Variants in TCF12 observed in about 807,000 individuals in gnomAD.
TCF12 encodes the protein DNA-binding protein HTF4.
TCF12 carries 45 observed loss-of-function variants against 86.0 expected under a neutral mutation model. The observed-to-expected ratio is 0.52, with a 90% CI of 0.41 to 0.67. The LOEUF is 0.67. Among genes scored for constraint, TCF12 ranks in the 30% least tolerant of loss-of-function variants. TCF12 has a pLI of 0.00. For synonymous variants in TCF12, 330 were observed against 299.6 expected (o/e 1.10, Z -1.05); for missense variants, 881 against 859.9 (o/e 1.02, Z -0.31).
intron 16 of TCF12, among the ~76,000 whole-genome samples, chr15:57,258,840 T>TA: frequency 6.6e-6 from 1 of 152,322 alleles, no homozygotes; most frequent in East Asian, 1.9e-4. Flanking sequence ...CAGGAGACTT[T>TA]AAGTAAAGAC....
At chr15:57,088,746 C>G (rs2048806810) in intron 4 of TCF12, among the ~76,000 whole-genome samples, 1 of 152,036 alleles carries the variant, frequency 6.6e-6, no homozygotes, top group Non-Finnish European at 1.5e-5. Flanking sequence ...AGTTCTACCC[C>G]CAAGACCTTA....
intron 16 of TCF12, among the ~76,000 whole-genome samples, chr15:57,256,705 T>A (rs1458271394): frequency 6.6e-6 from 1 of 152,194 alleles, no homozygotes; most frequent in Non-Finnish European, 1.5e-5. Flanking sequence ...CAGAAATACT[T>A]GTTGATCAGC....
At chr15:56,966,108 C>A (rs1333526260) in intron 3 of TCF12, among the ~76,000 whole-genome samples, 1 of 152,090 alleles carries the variant, frequency 6.6e-6, no homozygotes, top group African/African-American at 2.4e-5. Flanking sequence ...ATATGCTAAT[C>A]TTTTTACACT....
intron 12 of TCF12, among the ~76,000 whole-genome samples, chr15:57,239,004 G>C (rs1205184370): frequency 6.6e-6 from 1 of 152,182 alleles, no homozygotes; most frequent in Non-Finnish European, 1.5e-5. Context: ...AGGAGGACAA[G>C]CTGTGTTTAG....
At position 57,122,115 on chromosome 15, in the gene TCF12, C is replaced by A. The variant is rs1439919616; in HGVS notation, c.325+30224C>A. ...TCCTTGTACAAAAAAAAAAAAAAAACCACCCCCAAACCTGCCCATGCTTCA... is the reference window on the plus strand; with the variant it reads ...TCCTTGTACAAAAAAAAAAAAAAAAACACCCCCAAACCTGCCCATGCTTCA... On this transcript the variant is annotated intron_variant, in intron 5 of 20. Coordinates refer to ENST00000333725, the MANE Select transcript of TCF12 (RefSeq NM_207037.2). Among the ~76,000 whole-genome samples, 16 of 141,150 alleles carry A rather than the reference C, an allele frequency of 1.1e-4. 1 individual carries two copies. Among genetic ancestry groups the A allele is most frequent in the East Asian group, 5.9e-4 (3 of 5,056 alleles). The allele number at this position is 141,150 out of a possible 152,430, so 92.6% of individuals were successfully genotyped here.
At chr15:56,946,383 C>T (rs2060997995) in intron 3 of TCF12, among the ~76,000 whole-genome samples, 1 of 152,136 alleles carries the variant, frequency 6.6e-6, no homozygotes, top group African/African-American at 2.4e-5. Flanking sequence ...TTTATTCCAT[C>T]CAATAAACTT....
chr15:56,958,085 T>A (rs2061574712), intron 3 of TCF12, among the ~76,000 whole-genome samples: 1 of 152,190 alleles, frequency 6.6e-6, no homozygotes, highest in African/African-American at 2.4e-5. Context: ...AGTCTCTAGC[T>A]TCAGGTAGTT....
chr15:56,950,624 A>G (rs1449799492), intron 3 of TCF12, among the ~76,000 whole-genome samples: 1 of 151,218 alleles, frequency 6.6e-6, no homozygotes, highest in Non-Finnish European at 1.5e-5. Flanking sequence ...ATGTACCAAT[A>G]GTTTATTCTT....
chr15:57,116,722 A>G (rs1462989708), intron 5 of TCF12, among the ~76,000 whole-genome samples: 1 of 152,186 alleles, frequency 6.6e-6, no homozygotes, highest in African/African-American at 2.4e-5. Flanking sequence ...TGAGAGCTAT[A>G]AGATCTTACC....
intron 4 of TCF12, among the ~76,000 whole-genome samples, chr15:57,076,397 C>T (rs1212555744): frequency 6.6e-6 from 1 of 152,030 alleles, no homozygotes; most frequent in Admixed American, 6.6e-5. Flanking sequence ...GTGGCTCACA[C>T]CTGTAATCCC....
chr15:57,118,845 C>A (rs191839850), intron 5 of TCF12, among the ~76,000 whole-genome samples: 1 of 152,126 alleles, frequency 6.6e-6, no homozygotes, highest in Non-Finnish European at 1.5e-5. Flanking sequence ...CTTGAATTTC[C>A]ATATCTGTGT....
chr15:57,234,180 G>T lies in TCF12; in HGVS notation c.1035+73G>T, dbSNP rs1597501076. 6.0e-6 allele frequency: 7 copies of T among 1,158,448 alleles called. No individual in the cohort carries two copies. In the African/African-American group the frequency reaches 9.1e-5, roughly 15 times the overall value. 71.8% of individuals were successfully genotyped at this position (1,158,448 alleles called of 1,614,324 possible). A position where few individuals can be genotyped will look rare whatever the true frequency, so the allele number is the denominator to read the frequency against. On this transcript the variant is annotated intron_variant, in intron 12 of 20. Transcript: ENST00000333725. ...AATACAGTGATTAGATTTTGTAGGT[G>T]ATAAGTATCTAAAGAGTATAGATGT...
intron 3 of TCF12, among the ~76,000 whole-genome samples, chr15:57,035,687 A>G (rs1435289764): frequency 6.6e-6 from 1 of 152,058 alleles, no homozygotes; most frequent in Non-Finnish European, 1.5e-5. Flanking sequence ...CTTTGTTTAT[A>G]TTTTTGGGGA....
chr15:57,200,907 C>T (rs1369928073), intron 8 of TCF12, among the ~76,000 whole-genome samples: 1 of 152,084 alleles, frequency 6.6e-6, no homozygotes, highest in Non-Finnish European at 1.5e-5. Flanking sequence ...TAAATCTGCC[C>T]AGCTCAGTTA....
At position 57,002,858 on chromosome 15, in the gene TCF12, G is replaced by A. The variant is rs529054786; in HGVS notation, c.149-60892G>A. On this transcript the variant is annotated intron_variant, in intron 3 of 20. Coordinates refer to ENST00000333725, the MANE Select transcript of TCF12 (RefSeq NM_207037.2). The stretch of plus-strand genomic sequence containing the variant: ...ATTCAGATGAATCCTTTACATACTC[G>A]CACCTGCAAAACCAACAGATGATAT... 3.9e-5 allele frequency among the ~76,000 whole-genome samples: 6 copies of A among 152,204 alleles called. No individual in the cohort carries two copies. The South Asian group carries it at 1.0e-3, about 26-fold the overall frequency.
At chr15:57,160,030 T>A (rs1315099932) in intron 5 of TCF12, among the ~76,000 whole-genome samples, 2 of 152,354 alleles carry the variant, frequency 1.3e-5, no homozygotes, top group African/African-American at 2.4e-5. Flanking sequence ...TTATTTTCTA[T>A]TGATAACAAC....
chr15:57,053,436 T>G (rs1390501777), intron 3 of TCF12, among the ~76,000 whole-genome samples: 5 of 152,220 alleles, frequency 3.3e-5, no homozygotes, highest in African/African-American at 1.2e-4. Flanking sequence ...TTCACTCTGT[T>G]GTTGACTTTG....
intron 19 of TCF12, among the ~76,000 whole-genome samples, chr15:57,274,465 T>G (rs1273647273): frequency 6.6e-6 from 1 of 152,232 alleles, no homozygotes; most frequent in East Asian, 1.9e-4. Flanking sequence ...TAATGAAACC[T>G]AATCTTCAAG....
At chr15:57,109,514 T>C (rs1183182519) in intron 5 of TCF12, among the ~76,000 whole-genome samples, 2 of 152,232 alleles carry the variant, frequency 1.3e-5, no homozygotes, top group East Asian at 3.8e-4. Flanking sequence ...TCTATGAGTA[T>C]TCGAATTTCT....
Sources: gnomAD v4.1 joint callset for allele counts (sites outside exome capture counted in the v4.1 genomes callset) on GRCh38, gnomAD v4.1.1 for gene constraint, MANE v1.5 for transcripts, NCBI Gene and HGNC (gene_info 2026-07-23, HGNC 2026-07-21) for gene names.